MARCHF6: variants seen among roughly 807,000 people sequenced by gnomAD.
MARCHF6 encodes membrane associated ring-CH-type finger 6.
MARCHF6 carries 31 observed loss-of-function variants against 133.7 expected under a neutral mutation model. The observed-to-expected ratio is 0.23, with a 90% CI of 0.17 to 0.31. The LOEUF (loss-of-function observed/expected upper bound fraction) is 0.31, where lower values mean the gene tolerates loss of function less well. MARCHF6 is among the 10% of genes least tolerant of loss of function. The pLI is 1.00. For synonymous variants in MARCHF6, 395 were observed against 402.5 expected (o/e 0.98, Z 0.22); for missense variants, 723 against 1,121.6 (o/e 0.64, Z 5.08).
At position 10,355,317 on chromosome 5, in the gene MARCHF6, A is replaced by G. The variant is rs144397085; in HGVS notation, c.19+1400A>G. ...TCCTTGCGTGTAAATTTCCATCTAC[A>G]TAGGTTTCACATCCTTTTAGATTCA... On this transcript the variant is annotated intron_variant, in intron 1 of 25. Coordinates refer to ENST00000274140, the MANE Select transcript of MARCHF6 (RefSeq NM_005885.4). Among the ~76,000 whole-genome samples, 1,251 of 152,342 alleles carry G rather than the reference A, an allele frequency of 8.2e-3. 6 individuals carry two copies. Among genetic ancestry groups the G allele is most frequent in the South Asian group, 0.022 (105 of 4,830 alleles).
At chr5:10,359,836 C>A (rs1735704761) in intron 1 of MARCHF6, among the ~76,000 whole-genome samples, 1 of 152,044 alleles carries the variant, frequency 6.6e-6, no homozygotes, top group Non-Finnish European at 1.5e-5. Flanking sequence ...GAAACCCTGT[C>A]TCTACTAAAA....
At chr5:10,393,129 G>A (rs1579570698) in intron 7 of MARCHF6, among the ~76,000 whole-genome samples, 1 of 152,096 alleles carries the variant, frequency 6.6e-6, no homozygotes, top group African/African-American at 2.4e-5. Flanking sequence ...ACAGTGGCAG[G>A]AACACAGCTC....
At chr5:10,399,960 T>G (rs1024601186) in intron 10 of MARCHF6, among the ~76,000 whole-genome samples, 20 of 152,158 alleles carry the variant, frequency 1.3e-4, no homozygotes, top group African/African-American at 4.8e-4. Context: ...CATATTTCTC[T>G]TAAACTGGAA....
At chr5:10,401,955 T>A in intron 11 of MARCHF6, 104 bp from the exon 12 acceptor site, 1 of 713,292 alleles carries the variant, frequency 1.4e-6, no homozygotes, top group South Asian at 1.7e-5. Flanking sequence ...TTATAAATTG[T>A]CTCAACAATT....
chr5:10,371,626 G>T (rs1736467375), intron 1 of MARCHF6, among the ~76,000 whole-genome samples: 1 of 152,066 alleles, frequency 6.6e-6, no homozygotes, highest in Non-Finnish European at 1.5e-5. Flanking sequence ...CAATTACCTG[G>T]GTCCCTCCCA....
intron 1 of MARCHF6, among the ~76,000 whole-genome samples, chr5:10,375,872 T>G (rs1736747476): frequency 6.6e-6 from 1 of 151,918 alleles, no homozygotes; most frequent in South Asian, 2.1e-4. Context: ...TCAAGGTTTG[T>G]GAGTGCACCA....
At chr5:10,377,736 T>C in intron 1 of MARCHF6, 62 bp from the exon 2 acceptor site, 1 of 1,213,174 alleles carries the variant, frequency 8.2e-7, no homozygotes, top group South Asian at 1.2e-5. Context: ...TTTATGCTTG[T>C]TTCTTGCTTT....
chr5:10,357,406 C>G (rs1039343841), intron 1 of MARCHF6, among the ~76,000 whole-genome samples: 7 of 149,968 alleles, frequency 4.7e-5, no homozygotes, highest in Admixed American at 2.0e-4. Context: ...ATTAGCACAA[C>G]ATAATACAAA....
chr5:10,370,130 T>C (rs932132026), intron 1 of MARCHF6, among the ~76,000 whole-genome samples: 3 of 135,682 alleles, frequency 2.2e-5, no homozygotes, highest in African/African-American at 8.4e-5. Context: ...AGACAGGATC[T>C]TGCTTATAAA....
rs1740516923 is a variant in MARCHF6, at chr5:10,434,498, CACACCCACAT to C, written c.*815_*824del. Reference sequence around the variant, plus strand: ...TCAGCCCCCCCGCCCGCCCCCACCCCACACCCACATCCTCTCTTTTCCACACACAACTATC... The same window carrying C: ...TCAGCCCCCCCGCCCGCCCCCACCCCCCTCTCTTTTCCACACACAACTATC... On this transcript the variant is annotated 3_prime_UTR_variant, in exon 26 of 26. Coordinates refer to ENST00000274140, the MANE Select transcript of MARCHF6 (RefSeq NM_005885.4). 1 of 149,178 alleles carries C rather than the reference CACACCCACAT, an allele frequency of 6.7e-6. No individual in the cohort carries two copies. The highest frequency in any genetic ancestry group is 2.5e-5 in the African/African-American group (1 of 40,212). The allele number at this position is 149,178 out of a possible 1,614,324, so 9.2% of individuals were successfully genotyped here.
chr5:10,355,291 G>A (rs1343642845), intron 1 of MARCHF6, among the ~76,000 whole-genome samples: 1 of 152,184 alleles, frequency 6.6e-6, no homozygotes, highest in East Asian at 1.9e-4. Flanking sequence ...TTGACAGGTG[G>A]TCCTTGCGTG....
intron 1 of MARCHF6, among the ~76,000 whole-genome samples, chr5:10,368,640 C>A (rs1249443589): frequency 6.6e-6 from 1 of 152,084 alleles, no homozygotes; most frequent in Non-Finnish European, 1.5e-5. Flanking sequence ...AGTGCAGTGG[C>A]GTCATCTCGG....
rs1361817631 is a variant in MARCHF6 at position 10,438,852 on chromosome 5, C to G, written c.*5168C>G. 6.6e-6 allele frequency: 1 copy of G among 152,226 alleles called. No homozygotes were observed. Among genetic ancestry groups the G allele is most frequent in the African/African-American group, 2.4e-5 (1 of 41,448 alleles). 9.4% of individuals were successfully genotyped at this position (152,226 alleles called of 1,614,324 possible). A position where few individuals can be genotyped will look rare whatever the true frequency, so the allele number is the denominator to read the frequency against. On this transcript the variant is annotated 3_prime_UTR_variant, in exon 26 of 26. Coordinates refer to ENST00000274140, the MANE Select transcript of MARCHF6 (RefSeq NM_005885.4). ...GTATATGTAGGTCCCCCTGCCATTA[C>G]TCTTTCAGCCTTCTGCAATCTAGTT...
At chr5:10,366,845 T>C (rs1356234450) in intron 1 of MARCHF6, among the ~76,000 whole-genome samples, 1 of 152,196 alleles carries the variant, frequency 6.6e-6, no homozygotes, top group African/African-American at 2.4e-5. Flanking sequence ...CTGGGTGGCA[T>C]AGGCAGTTTG....
chr5:10,426,160 T>C (rs1414382619), intron 23 of MARCHF6, among the ~76,000 whole-genome samples: 1 of 152,214 alleles, frequency 6.6e-6, no homozygotes, highest in Non-Finnish European at 1.5e-5. Context: ...TAGTGTCTTA[T>C]TTCATCACTT....
chr5:10,412,546 G>A (rs1408716574), intron 19 of MARCHF6, among the ~76,000 whole-genome samples: 1 of 152,122 alleles, frequency 6.6e-6, no homozygotes, highest in African/African-American at 2.4e-5. Context: ...CATTAGGCAT[G>A]GTGGGCTTAG....
At chr5:10,370,937 A>G (rs1219518877) in intron 1 of MARCHF6, among the ~76,000 whole-genome samples, 1 of 152,224 alleles carries the variant, frequency 6.6e-6, no homozygotes, top group Non-Finnish European at 1.5e-5. Context: ...GATAAATAGA[A>G]TATTGACATT....
intron 10 of MARCHF6, among the ~76,000 whole-genome samples, chr5:10,398,926 G>A (rs987291175): frequency 6.6e-6 from 1 of 151,786 alleles, no homozygotes; most frequent in Non-Finnish European, 1.5e-5. Context: ...TTCTTGCATG[G>A]GTTGCTCTGT....
At chr5:10,391,765 A>T (rs747786623) in intron 7 of MARCHF6, 34 bp downstream of exon 7, 1 of 1,446,394 alleles carries the variant, frequency 6.9e-7, no homozygotes, top group Non-Finnish European at 9.1e-7. Context: ...ACTCTTCAGC[A>T]CTGCAAATCT....
Sources: gnomAD v4.1 joint callset for allele counts (sites outside exome capture counted in the v4.1 genomes callset) on GRCh38, gnomAD v4.1.1 for gene constraint, MANE v1.5 for transcripts, NCBI Gene and HGNC (gene_info 2026-07-23, HGNC 2026-07-21) for gene names.